The following PTPRD variants were observed in gnomAD, a reference collection of about 807,000 sequenced individuals.
PTPRD encodes protein tyrosine phosphatase receptor type D, also known as receptor-type tyrosine-protein phosphatase delta.
Under a neutral mutation model 214.5 loss-of-function variants are expected in PTPRD, and 34 were observed. The observed-to-expected ratio is 0.16, with a 90% CI of 0.12 to 0.21. The LOEUF (loss-of-function observed/expected upper bound fraction) is 0.21, where lower values mean the gene tolerates loss of function less well. PTPRD is among the 10% of genes least tolerant of loss of function. PTPRD has a pLI of 1.00. For missense variants in PTPRD, 2,545 were observed against 2,398.7 expected (o/e 1.06, Z -1.27); for synonymous variants, 1,128 against 845.7 (o/e 1.33, Z -5.79).
At chr9:10,170,584 G>A (rs2099196153) in intron 3 of PTPRD, among the ~76,000 whole-genome samples, 1 of 152,104 alleles carries the variant, frequency 6.6e-6, no homozygotes, top group Non-Finnish European at 1.5e-5. Flanking sequence ...CTACTCTGGA[G>A]GCTGAGGCAG....
At chr9:8,321,786 C>T (rs990979487) in intron 44 of PTPRD, among the ~76,000 whole-genome samples, 1 of 151,230 alleles carries the variant, frequency 6.6e-6, no homozygotes, top group African/African-American at 2.4e-5. Flanking sequence ...CAATATATAC[C>T]ATCTACTTTG....
intron 3 of PTPRD, among the ~76,000 whole-genome samples, chr9:10,207,843 G>C (rs1235272049): frequency 2.6e-5 from 4 of 151,716 alleles, no homozygotes; most frequent in South Asian, 2.1e-4. Flanking sequence ...TTCTCGTATG[G>C]AAGCAAAACA....
intron 2 of PTPRD, among the ~76,000 whole-genome samples, chr9:10,369,721 C>T (rs141465456): frequency 6.2e-4 from 94 of 152,170 alleles, no homozygotes; most frequent in African/African-American, 2.2e-3. Flanking sequence ...AGACTGACGG[C>T]TTCTGGATCA....
intron 9 of PTPRD, among the ~76,000 whole-genome samples, chr9:9,237,493 G>C (rs878958534): frequency 2.0e-5 from 3 of 152,022 alleles, no homozygotes; most frequent in African/African-American, 7.2e-5. Flanking sequence ...TTAAAAAACC[G>C]ACATGTGCCC....
intron 9 of PTPRD, among the ~76,000 whole-genome samples, chr9:9,302,068 A>G (rs1322950101): frequency 6.6e-6 from 1 of 151,964 alleles, no homozygotes; most frequent in Non-Finnish European, 1.5e-5. Context: ...GCTCTTTCAT[A>G]TTGCTCATAC....
At chr9:8,455,227 AC>A (rs756865528) in intron 33 of PTPRD, among the ~76,000 whole-genome samples, 2 of 152,246 alleles carry the variant, frequency 1.3e-5, no homozygotes, top group Non-Finnish European at 2.9e-5. Flanking sequence ...AAAATATAAT[AC>A]CCATCATTAT....
chr9:10,519,880 C>T (rs577616476), intron 2 of PTPRD, among the ~76,000 whole-genome samples: 38 of 152,144 alleles, frequency 2.5e-4, no homozygotes, highest in African/African-American at 8.7e-4. Context: ...GTTCCAAAGT[C>T]CTGCATCCCC....
chr9:10,113,280 T>C (rs1418808056), intron 3 of PTPRD, among the ~76,000 whole-genome samples: 2 of 152,240 alleles, frequency 1.3e-5, no homozygotes, highest in East Asian at 3.9e-4. Context: ...ATATGATGAT[T>C]GTTTTCATTT....
chr9:8,321,561 T>C (rs1828200521), intron 44 of PTPRD, among the ~76,000 whole-genome samples: 1 of 143,254 alleles, frequency 7.0e-6, no homozygotes, highest in African/African-American at 2.5e-5. Flanking sequence ...TTTAGCATTA[T>C]ACTAAAGGAA....
At chr9:8,587,538 A>C (rs1268156049) in intron 14 of PTPRD, among the ~76,000 whole-genome samples, 1 of 152,236 alleles carries the variant, frequency 6.6e-6, no homozygotes, top group Non-Finnish European at 1.5e-5. Flanking sequence ...AATGAGTAAA[A>C]TATAACCTTC....
At position 9,056,553 on chromosome 9, in the gene PTPRD, C is replaced by T. The variant is rs371422826; in HGVS notation, c.-142-37818G>A. 6.0e-4 allele frequency among the ~76,000 whole-genome samples: 91 copies of T among 152,240 alleles called. No individual in the cohort carries two copies. In the South Asian group the frequency reaches 0.016, roughly 26 times the overall value. On this transcript the variant is annotated intron_variant, in intron 10 of 45. Transcript: ENST00000381196. Reference sequence around the variant, plus strand: ...TTCTTCTTAATGTGGATTAAATTGACGTTGATGGTAAATTTGTGCCAATGA... The same window carrying T: ...TTCTTCTTAATGTGGATTAAATTGATGTTGATGGTAAATTTGTGCCAATGA...
At chr9:8,450,085 G>A (rs903759608) in intron 33 of PTPRD, among the ~76,000 whole-genome samples, 2 of 152,046 alleles carry the variant, frequency 1.3e-5, no homozygotes, top group Non-Finnish European at 2.9e-5. Flanking sequence ...AAATAATTCA[G>A]CAACTCTGCC....
At chr9:10,283,985 G>A (rs1033683817) in intron 3 of PTPRD, among the ~76,000 whole-genome samples, 5 of 152,034 alleles carry the variant, frequency 3.3e-5, no homozygotes, top group African/African-American at 9.7e-5. Flanking sequence ...GTGAGACCCT[G>A]GCAAGCTCTT....
At chr9:9,072,996 C>G (rs2099745996) in intron 10 of PTPRD, among the ~76,000 whole-genome samples, 1 of 152,094 alleles carries the variant, frequency 6.6e-6, no homozygotes, top group Non-Finnish European at 1.5e-5. Context: ...ATTTGAGGAT[C>G]TCAAACATGG....
At chr9:9,218,150 G>T (rs1372692150) in intron 9 of PTPRD, among the ~76,000 whole-genome samples, 1 of 152,050 alleles carries the variant, frequency 6.6e-6, no homozygotes, top group East Asian at 1.9e-4. Context: ...AGCATCTTTG[G>T]GAATTGCTTC....
intron 8 of PTPRD, among the ~76,000 whole-genome samples, chr9:9,559,569 G>T (rs1382466151): frequency 6.6e-6 from 1 of 152,204 alleles, no homozygotes; most frequent in Non-Finnish European, 1.5e-5. Flanking sequence ...CCAGGTAAGA[G>T]GGGCATTGCT....
intron 2 of PTPRD, among the ~76,000 whole-genome samples, chr9:10,535,097 A>C (rs1039241226): frequency 9.9e-5 from 15 of 152,180 alleles, no homozygotes; most frequent in Admixed American, 9.8e-4. Flanking sequence ...AGCAGCCTGA[A>C]TGTCAGGAAC....
chr9:8,610,591 G>A (rs536692696), intron 14 of PTPRD, among the ~76,000 whole-genome samples: 20 of 152,238 alleles, frequency 1.3e-4, no homozygotes, highest in Admixed American at 1.0e-3. Flanking sequence ...AAAAAGCTGC[G>A]AAAGTCAAGG....
At chr9:10,169,178 C>T (rs1474919335) in intron 3 of PTPRD, among the ~76,000 whole-genome samples, 2 of 152,082 alleles carry the variant, frequency 1.3e-5, no homozygotes, top group Admixed American at 1.3e-4. Flanking sequence ...AAGAAAAAAC[C>T]TATGAATAAA....
Sources: allele counts gnomAD v4.1 joint callset (sites outside exome capture counted in the v4.1 genomes callset), GRCh38; gene constraint gnomAD v4.1.1; transcripts MANE v1.5; gene names NCBI Gene and HGNC (gene_info 2026-07-23, HGNC 2026-07-21).